Variants in ETFA observed in about 807,000 individuals in gnomAD.
ETFA encodes electron transfer flavoprotein subunit alpha, mitochondrial.
Under a neutral mutation model 46.2 loss-of-function variants are expected in ETFA, and 22 were observed. The observed-to-expected ratio is 0.48, with a 90% CI of 0.34 to 0.68. ETFA has a LOEUF of 0.68. ETFA is among the 30% of genes least tolerant of loss of function. The pLI is 0.01. For missense variants in ETFA, 345 were observed against 401.1 expected (o/e 0.86, Z 1.19); for synonymous variants, 131 against 139.9 (o/e 0.94, Z 0.45).
intron 8 of ETFA, among the ~76,000 whole-genome samples, chr15:76,276,133 C>A (rs1315432783): frequency 6.6e-6 from 1 of 152,050 alleles, no homozygotes; most frequent in Non-Finnish European, 1.5e-5. Context: ...ACATTTCTTG[C>A]AAGGTAAGTC....
At chr15:76,286,014 C>T (rs957643405) in intron 6 of ETFA, among the ~76,000 whole-genome samples, 12 of 152,138 alleles carry the variant, frequency 7.9e-5, no homozygotes, top group African/African-American at 2.2e-4. Context: ...AAATAAGACA[C>T]TATATATGTT....
At chr15:76,281,294 C>T (rs1018209147) in intron 8 of ETFA, among the ~76,000 whole-genome samples, 1 of 152,146 alleles carries the variant, frequency 6.6e-6, no homozygotes, top group African/African-American at 2.4e-5. Flanking sequence ...CATGAGCCAC[C>T]ACACCCAGCC....
At chr15:76,260,589 G>A (rs568501610) in intron 9 of ETFA, 1 of 1,509,086 alleles carries the variant, frequency 6.6e-7, no homozygotes, top group South Asian at 1.2e-5. Flanking sequence ...CCCCTCCATT[G>A]TCAGCTCATC....
At chr15:76,228,015 T>G in intron 10 of ETFA, 1 of 455,260 alleles carries the variant, frequency 2.2e-6, no homozygotes, top group South Asian at 1.6e-5. Flanking sequence ...GAATTGCAGG[T>G]GTTGATTTGC....
At chr15:76,261,111 G>A in intron 9 of ETFA, 1 of 1,457,842 alleles carries the variant, frequency 6.9e-7, no homozygotes, top group Non-Finnish European at 9.4e-7. Flanking sequence ...GGAAAACATG[G>A]GTGCTCTGGG....
chr15:76,292,571 T>C, intron 3 of ETFA, 48 bp downstream of exon 3: 1 of 1,584,136 alleles, frequency 6.3e-7, no homozygotes. Context: ...TATTCATATA[T>C]TCAAGCGTAA....
intron 8 of ETFA, among the ~76,000 whole-genome samples, chr15:76,280,433 T>C (rs2039636275): frequency 6.6e-6 from 1 of 152,078 alleles, no homozygotes; most frequent in Admixed American, 6.5e-5. Context: ...AATATATATC[T>C]CAAAACTGAC....
intron 4 of ETFA, among the ~76,000 whole-genome samples, chr15:76,290,683 T>A (rs1404189842): frequency 2.6e-5 from 4 of 152,158 alleles, no homozygotes; most frequent in African/African-American, 9.7e-5. Context: ...AAACAATTCA[T>A]GCCATATTAT....
At chr15:76,236,761 T>C (rs1045267298) in intron 9 of ETFA, among the ~76,000 whole-genome samples, 1 of 152,172 alleles carries the variant, frequency 6.6e-6, no homozygotes, top group African/African-American at 2.4e-5. Context: ...TGGCCCATTA[T>C]AGGAAAACCA....
At chr15:76,277,588 C>T (rs558404439) in intron 8 of ETFA, among the ~76,000 whole-genome samples, 2 of 152,276 alleles carry the variant, frequency 1.3e-5, no homozygotes, top group South Asian at 2.1e-4. Context: ...CTGCAACCTC[C>T]ATCTCCAGGA....
intron 8 of ETFA, among the ~76,000 whole-genome samples, chr15:76,282,106 G>A (rs1040497976): frequency 3.3e-5 from 5 of 151,986 alleles, no homozygotes; most frequent in East Asian, 1.9e-4. Flanking sequence ...GTTTCACCAC[G>A]TTGGCCAGGC....
chr15:76,263,006 CAT>C lies in ETFA; in HGVS notation c.816+11404_816+11405del, dbSNP rs56962945. Among the ~76,000 whole-genome samples the C allele has an allele frequency of 4.6e-3, 694 of 152,238 alleles. 5 individuals carry two copies. Among genetic ancestry groups the C allele is most frequent in the African/African-American group, 0.016 (658 of 41,528 alleles). Reference sequence around the variant, plus strand: ...CGGTAGGCACCAGTGGCCTTTGGAACATGTCTAAACTTGCTGGCTCCTTGCTT... The same window carrying C: ...CGGTAGGCACCAGTGGCCTTTGGAACGTCTAAACTTGCTGGCTCCTTGCTT... On this transcript the variant is annotated intron_variant, in intron 9 of 11. Transcript: ENST00000557943.
intron 9 of ETFA, among the ~76,000 whole-genome samples, chr15:76,251,640 A>G (rs2039299296): frequency 6.6e-6 from 1 of 152,158 alleles, no homozygotes; most frequent in South Asian, 2.1e-4. Context: ...GGAAAATGAG[A>G]AAGGGCGAGA....
At chr15:76,294,659 C>T (rs2039800016) in intron 2 of ETFA, among the ~76,000 whole-genome samples, 1 of 152,168 alleles carries the variant, frequency 6.6e-6, no homozygotes, top group Admixed American at 6.5e-5. Context: ...AAGTGGTTCT[C>T]GTGCCTCAGC....
intron 11 of ETFA, among the ~76,000 whole-genome samples, chr15:76,223,940 C>G (rs1196170808): frequency 2.6e-5 from 4 of 152,098 alleles, no homozygotes; most frequent in Non-Finnish European, 4.4e-5. Flanking sequence ...TCATGAAAGC[C>G]CCCATGTGAG....
chr15:76,245,136 G>A (rs1359076652), intron 9 of ETFA: 5 of 152,018 alleles, frequency 3.3e-5, no homozygotes, highest in African/African-American at 4.8e-5. Flanking sequence ...CTTCTTTGTC[G>A]TTTTAAACTT....
intron 10 of ETFA, chr15:76,227,892 A>G (rs1391646769): frequency 4.4e-6 from 2 of 456,114 alleles, no homozygotes; most frequent in Admixed American, 2.3e-5. Context: ...GGTATAGTCC[A>G]GGTAACTGCT....
chr15:76,220,993 T>G (rs987069777), intron 11 of ETFA, among the ~76,000 whole-genome samples: 1 of 152,048 alleles, frequency 6.6e-6, no homozygotes, highest in Non-Finnish European at 1.5e-5. Flanking sequence ...CCAAAAGAAA[T>G]GAAAACATAG....
At chr15:76,233,666 A>T (rs2039092967) in intron 9 of ETFA, among the ~76,000 whole-genome samples, 2 of 152,198 alleles carry the variant, frequency 1.3e-5, no homozygotes, top group Non-Finnish European at 2.9e-5. Context: ...GTTTATTCTG[A>T]CTAGCATTTC....
Sources: allele counts gnomAD v4.1 joint callset (sites outside exome capture counted in the v4.1 genomes callset), GRCh38; gene constraint gnomAD v4.1.1; transcripts MANE v1.5; gene names NCBI Gene and HGNC (gene_info 2026-07-23, HGNC 2026-07-21).